Variants in GALNT17 observed in about 807,000 individuals in gnomAD.
GALNT17 encodes UDP-GalNAc:polypeptide N-acetylgalactosaminyltransferase-like 3.
A neutral mutation model predicts 63.7 loss-of-function variants in GALNT17; 29 were observed. The observed-to-expected ratio is 0.46, with a 90% CI of 0.34 to 0.62. GALNT17 has a LOEUF of 0.62. GALNT17 is among the 20% of genes least tolerant of loss of function. The pLI, the probability that GALNT17 is intolerant of heterozygous loss-of-function variation, is 0.01. For synonymous variants in GALNT17, 305 were observed against 318.3 expected, an observed-to-expected ratio of 0.96 and a Z score of 0.45; for missense variants, 603 against 799.6, an observed-to-expected ratio of 0.75 and a Z score of 2.97.
intron 1 of GALNT17, among the ~76,000 whole-genome samples, chr7:71,328,068 G>A (rs1791734601): frequency 6.6e-6 from 1 of 152,136 alleles, no homozygotes; most frequent in Non-Finnish European, 1.5e-5. Flanking sequence ...GGAGAAAAAG[G>A]ATGGAGAATA....
intron 4 of GALNT17, 40 bp downstream of exon 4, chr7:71,416,103 C>G: frequency 6.4e-7 from 1 of 1,567,060 alleles, no homozygotes; most frequent in Non-Finnish European, 8.7e-7. Context: ...TCAAGACCTG[C>G]ATTGTGGTTG....
intron 1 of GALNT17, among the ~76,000 whole-genome samples, chr7:71,146,765 C>T (rs1788031317): frequency 2.0e-5 from 3 of 152,174 alleles, no homozygotes; most frequent in East Asian, 3.8e-4. Context: ...AGAAGTTTTC[C>T]CTTTTAATCA....
intron 1 of GALNT17, among the ~76,000 whole-genome samples, chr7:71,269,513 C>G (rs1790548398): frequency 6.6e-6 from 1 of 152,284 alleles, no homozygotes; most frequent in Non-Finnish European, 1.5e-5. Context: ...CTCCCCTCTT[C>G]TCTCGTCTGC....
intron 3 of GALNT17, among the ~76,000 whole-genome samples, chr7:71,391,376 G>T (rs1583913483): frequency 6.6e-6 from 1 of 152,176 alleles, no homozygotes; most frequent in East Asian, 1.9e-4. Flanking sequence ...TGACCGCAGG[G>T]ATCTCCAGTA....
chr7:71,184,178 T>C (rs1788788170), intron 1 of GALNT17, among the ~76,000 whole-genome samples: 1 of 152,076 alleles, frequency 6.6e-6, no homozygotes, highest in Admixed American at 6.6e-5. Context: ...GAGACTGACC[T>C]CAAAAGAAAT....
At chr7:71,540,960 C>T (rs1584036067) in intron 5 of GALNT17, among the ~76,000 whole-genome samples, 1 of 152,094 alleles carries the variant, frequency 6.6e-6, no homozygotes, top group East Asian at 1.9e-4. Flanking sequence ...GATGGCCAGC[C>T]GGGCGCGGTG....
At chr7:71,501,678 C>G (rs1788183030) in intron 5 of GALNT17, among the ~76,000 whole-genome samples, 1 of 152,072 alleles carries the variant, frequency 6.6e-6, no homozygotes, top group African/African-American at 2.4e-5. Flanking sequence ...GCAGGGCAGA[C>G]AGGCTCTGAT....
At chr7:71,660,562 G>T (rs1191464676) in intron 6 of GALNT17, among the ~76,000 whole-genome samples, 1 of 152,210 alleles carries the variant, frequency 6.6e-6, no homozygotes, top group Admixed American at 6.5e-5. Context: ...CTTGGGACCA[G>T]CTGTACTTGG....
intron 1 of GALNT17, among the ~76,000 whole-genome samples, chr7:71,237,095 G>T (rs116587286): frequency 1.3e-5 from 2 of 152,146 alleles, no homozygotes; most frequent in Admixed American, 1.3e-4. Context: ...GTGGGAGGTA[G>T]GGTCAAAAAC....
chr7:71,648,420 G>A (rs1790711458), intron 6 of GALNT17, among the ~76,000 whole-genome samples: 1 of 151,920 alleles, frequency 6.6e-6, no homozygotes, highest in African/African-American at 2.4e-5. Flanking sequence ...ACTTGTGCAT[G>A]CCACCATGCC....
chr7:71,271,994 A>G (rs1790601414), intron 1 of GALNT17, among the ~76,000 whole-genome samples: 1 of 152,186 alleles, frequency 6.6e-6, no homozygotes, highest in Non-Finnish European at 1.5e-5. Context: ...CTTGGGCTCA[A>G]GCAGTCCTCC....
intron 1 of GALNT17, among the ~76,000 whole-genome samples, chr7:71,209,409 TC>T (rs1474365506): frequency 6.6e-6 from 1 of 152,230 alleles, no homozygotes; most frequent in Admixed American, 6.5e-5. Flanking sequence ...TATTTGTTTA[TC>T]TACAAGGGGG....
At chr7:71,507,939 C>T (rs868686394) in intron 5 of GALNT17, among the ~76,000 whole-genome samples, 26 of 152,106 alleles carry the variant, frequency 1.7e-4, no homozygotes, top group Non-Finnish European at 2.5e-4. Context: ...GTTCAATGCC[C>T]GAGGAGGATA....
At chr7:71,565,239 C>T (rs1479049308) in intron 5 of GALNT17, among the ~76,000 whole-genome samples, 1 of 151,300 alleles carries the variant, frequency 6.6e-6, no homozygotes, top group African/African-American at 2.4e-5. Context: ...TGCACCCTAG[C>T]CTAAGCAACA....
At chr7:71,664,869 G>C (rs190483585) in intron 6 of GALNT17, among the ~76,000 whole-genome samples, 1 of 152,232 alleles carries the variant, frequency 6.6e-6, no homozygotes, top group Non-Finnish European at 1.5e-5. Flanking sequence ...CTGAGCTGTT[G>C]TTTCTATAAG....
chr7:71,369,811 CA>C (rs763387719), intron 2 of GALNT17, among the ~76,000 whole-genome samples: 1,377 of 72,142 alleles, frequency 0.019, 13 homozygotes, highest in Middle Eastern at 0.027. Context: ...GGCTTTTTGT[CA>C]AAAAAAAAAA....
intron 5 of GALNT17, among the ~76,000 whole-genome samples, chr7:71,436,876 C>T (rs568273902): frequency 4.6e-5 from 7 of 152,190 alleles, no homozygotes; most frequent in South Asian, 4.2e-4. Flanking sequence ...CATTTCTCTG[C>T]GGGGGTCCAT....
chr7:71,257,637 G>A (rs959876564), intron 1 of GALNT17, among the ~76,000 whole-genome samples: 7 of 152,156 alleles, frequency 4.6e-5, no homozygotes, highest in African/African-American at 1.7e-4. Flanking sequence ...GGAGGAAAAT[G>A]CTGTATTCAG....
Position 71,482,176 on chromosome 7 carries a change from G to A in GALNT17, c.962+61071G>A, listed in dbSNP as rs911337560. 3.5e-5 allele frequency among the ~76,000 whole-genome samples: 5 copies of A among 142,040 alleles called. No homozygotes were observed. The South Asian group carries it at 1.1e-3, about 32-fold the overall frequency. The allele number at this position is 142,040 out of a possible 152,430, so 93.2% of individuals were successfully genotyped here. On this transcript the variant is annotated intron_variant, in intron 5 of 10. Coordinates refer to ENST00000333538, the MANE Select transcript of GALNT17 (RefSeq NM_022479.3). ...TTTTTTTTTTTTTTTTTGAGACGGA[G>A]TCTCGCTCTGTCACCCGGTCTGGAG...
Sources: allele counts gnomAD v4.1 joint callset (sites outside exome capture counted in the v4.1 genomes callset), GRCh38; gene constraint gnomAD v4.1.1; transcripts MANE v1.5; gene names NCBI Gene and HGNC (gene_info 2026-07-23, HGNC 2026-07-21).